Variants in HLA-DQB2 observed in about 807,000 individuals in gnomAD.
The protein encoded by HLA-DQB2 is HLA class II histocompatibility antigen, DQ beta 2 chain.
In HLA-DQB2, 24 loss-of-function variants were observed where a neutral mutation model predicts 29.2. That is an observed-to-expected ratio of 0.82 (90% CI 0.60 to 1.16). The LOEUF is 1.16. Ranked by LOEUF, HLA-DQB2 falls within the 50% of genes most tolerant of loss-of-function variation. The pLI is 0.00. For missense variants in HLA-DQB2, 273 were observed against 343.6 expected (o/e 0.79, Z 1.62); for synonymous variants, 104 against 133.1 (o/e 0.78, Z 1.51).
chr6:32,761,647 C>T lies in HLA-DQB2; in HGVS notation c.364+13G>A, dbSNP rs1764827985. On this transcript the variant is annotated intron_variant, in intron 2 of 5. Coordinates refer to ENST00000437316, the MANE Select transcript of HLA-DQB2 (RefSeq NM_001300790.2). ...GCCAAGGGTGAGCCCCGCGGAAGGACGACGACGCTCACCTTGCCGCTGCAA... is the reference window on the plus strand; with the variant it reads ...GCCAAGGGTGAGCCCCGCGGAAGGATGACGACGCTCACCTTGCCGCTGCAA... The T allele has an allele frequency of 6.5e-7, 1 of 1,541,028 alleles. No homozygotes were observed. Among genetic ancestry groups the T allele is most frequent in the Non-Finnish European group, 8.7e-7 (1 of 1,144,412 alleles).
At chr6:32,756,593 G>A (rs1444253137) in intron 5 of HLA-DQB2, 127 bp from the exon 6 acceptor site, 11 of 1,466,426 alleles carry the variant, frequency 7.5e-6, no homozygotes, top group East Asian at 5.1e-5. Context: ...TCATCATCAC[G>A]TTCCCCAATA....
In HLA-DQB2 at chr6:32,761,657, C is replaced by G. The variant is rs929368348; in HGVS notation, c.364+3G>C. 1.0e-5 allele frequency: 16 copies of G among 1,546,052 alleles called. No homozygotes were observed. In the Admixed American group the frequency reaches 2.4e-4, roughly 23 times the overall value. ...AGCCCCGCGGAAGGACGACGACGCTCACCTTGCCGCTGCAAGGTCGTGCGC... is the reference window on the plus strand; with the variant it reads ...AGCCCCGCGGAAGGACGACGACGCTGACCTTGCCGCTGCAAGGTCGTGCGC... On this transcript the variant is annotated splice_donor_region_variant and intron_variant, in intron 2 of 5. Coordinates refer to ENST00000437316, the MANE Select transcript of HLA-DQB2 (RefSeq NM_001300790.2).
At position 32,756,420 on chromosome 6, in the gene HLA-DQB2, T is replaced by A; in HGVS notation, c.*33A>T. On this transcript the variant is annotated 3_prime_UTR_variant, in exon 6 of 6. Transcript: ENST00000437316. ...GGGGCAGGTGGGCATTACAGAAGAG[T>A]GATGACCAATCCCAGACAAAAGTCC... is the stretch of plus-strand genomic sequence containing the variant. 3 of 1,297,564 alleles carry A rather than the reference T, an allele frequency of 2.3e-6. No homozygotes were observed. Among genetic ancestry groups the A allele is most frequent in the East Asian group, 2.4e-5 (1 of 42,032 alleles). 80.4% of individuals were successfully genotyped at this position (1,297,564 alleles called of 1,614,324 possible). A position where few individuals can be genotyped will look rare whatever the true frequency, so the allele number is the denominator to read the frequency against.
At chr6:32,756,728 G>T in intron 5 of HLA-DQB2, 4 of 1,309,270 alleles carry the variant, frequency 3.1e-6, no homozygotes, top group Non-Finnish European at 2.9e-6. Context: ...TTAGTAAATT[G>T]GGTGACACTT....
At chr6:32,763,243 T>A in intron 1 of HLA-DQB2, 131 bp downstream of exon 1, 1 of 622,398 alleles carries the variant, frequency 1.6e-6, no homozygotes. Flanking sequence ...ATAGCTCTAT[T>A]TCCCAAAAAG....
Position 32,763,391 on chromosome 6 carries a change from T to G in HLA-DQB2, c.80A>C (p.Glu27Ala). ...GCACTTACTGGGAAAGTCTCTGGCC[T>G]CAGCCACTGGGGTGCTCAGCATCAC... ...MLVMLSTPVA[E>A]ARDFPKDFLV... The change falls in exon 1 of 6, where the codon GAG (glutamate) becomes GCG (alanine). Residue 27 changes from glutamate to alanine, a missense_variant. Coordinates refer to ENST00000437316, the MANE Select transcript of HLA-DQB2 (RefSeq NM_001300790.2). 6.4e-7 allele frequency: 1 copy of G among 1,561,352 alleles called. No homozygotes were observed. Among genetic ancestry groups the G allele is most frequent in the Non-Finnish European group, 8.7e-7 (1 of 1,152,024 alleles).
intron 1 of HLA-DQB2, 147 bp from the exon 2 acceptor site, chr6:32,762,073 G>A: frequency 3.6e-6 from 4 of 1,124,542 alleles, no homozygotes; most frequent in Non-Finnish European, 5.0e-6. Flanking sequence ...CTGGGCCCGT[G>A]CCTCGTGCTC....
chr6:32,757,975 C>T, intron 3 of HLA-DQB2, 92 bp from the exon 4 acceptor site: 1 of 1,101,250 alleles, frequency 9.1e-7, no homozygotes, highest in Non-Finnish European at 1.3e-6. Context: ...ACTAGTTCTC[C>T]AGTCTGACCA....
At chr6:32,761,506 G>A (rs1320181155) in intron 2 of HLA-DQB2, among the ~76,000 whole-genome samples, 154 bp downstream of exon 2, 19 of 151,820 alleles carry the variant, frequency 1.3e-4, no homozygotes, top group Non-Finnish European at 2.9e-5. Flanking sequence ...CCGCCCCTCC[G>A]ATACTACCCC....
At chr6:32,762,403 C>T (rs10456071) in intron 1 of HLA-DQB2, among the ~76,000 whole-genome samples, 1 of 147,040 alleles carries the variant, frequency 6.8e-6, no homozygotes, top group Non-Finnish European at 1.5e-5. Context: ...TAAGTATTCT[C>T]TTGGTCCCTG....
intron 3 of HLA-DQB2, 140 bp downstream of exon 3, chr6:32,758,710 G>A (rs965426373): frequency 2.1e-6 from 2 of 941,192 alleles, no homozygotes; most frequent in Non-Finnish European, 3.1e-6. Flanking sequence ...GCTTGCCATG[G>A]GGCAACAGGT....
In HLA-DQB2 at chr6:32,757,207, A is replaced by G; in HGVS notation, c.781+74T>C. On this transcript the variant is annotated intron_variant, in intron 5 of 5. Transcript: ENST00000437316. The stretch of plus-strand genomic sequence containing the variant: ...GCTAATTTTTGTATTTTTAGTAGAG[A>G]TGCGGTTTCACCATGGCTCTTCCCT... 9 of 1,547,286 alleles carry G rather than the reference A, an allele frequency of 5.8e-6. No individual in the cohort carries two copies. In the Middle Eastern group the frequency reaches 5.5e-4, roughly 95 times the overall value.
chr6:32,757,075 A>G, intron 5 of HLA-DQB2: 1 of 1,419,646 alleles, frequency 7.0e-7, no homozygotes, highest in Non-Finnish European at 9.2e-7. Context: ...ACTGGAGTGC[A>G]GTGGCGCCAT....
intron 3 of HLA-DQB2, among the ~76,000 whole-genome samples, chr6:32,758,348 G>A (rs1406249519): frequency 6.6e-6 from 1 of 152,256 alleles, no homozygotes; most frequent in East Asian, 1.9e-4. Flanking sequence ...AAACTGCGTA[G>A]CACCAACCCC....
intron 2 of HLA-DQB2, among the ~76,000 whole-genome samples, chr6:32,759,392 G>A (rs1764578773): frequency 6.6e-6 from 1 of 151,628 alleles, no homozygotes; most frequent in Admixed American, 6.6e-5. Flanking sequence ...TCAAAAGTTT[G>A]TAATATTTGA....
intron 5 of HLA-DQB2, 111 bp downstream of exon 5, chr6:32,757,170 C>T: frequency 6.6e-7 from 1 of 1,512,068 alleles, no homozygotes; most frequent in Non-Finnish European, 9.0e-7. Context: ...CAGATGCACA[C>T]CACCACGTCC....
chr6:32,757,998 G>A (rs1320425023), intron 3 of HLA-DQB2, 115 bp from the exon 4 acceptor site: 3 of 951,722 alleles, frequency 3.2e-6, no homozygotes, highest in African/African-American at 1.7e-5. Flanking sequence ...CTAGGGAAGA[G>A]AAAGACCAGC....
intron 5 of HLA-DQB2, 156 bp downstream of exon 5, chr6:32,757,125 T>G (rs1764325627): frequency 1.4e-6 from 2 of 1,453,206 alleles, no homozygotes; most frequent in South Asian, 1.3e-5. Flanking sequence ...GTTCAAGTGA[T>G]TCTCTTGCCT....
intron 4 of HLA-DQB2, 138 bp from the exon 5 acceptor site, chr6:32,757,442 A>G: frequency 5.6e-6 from 4 of 714,258 alleles, no homozygotes; most frequent in Non-Finnish European, 9.5e-6. Context: ...TAAGCACCCT[A>G]AGTTAAAATC....
Sources: allele counts gnomAD v4.1 joint callset (sites outside exome capture counted in the v4.1 genomes callset), GRCh38; gene constraint gnomAD v4.1.1; transcripts MANE v1.5; gene names NCBI Gene and HGNC (gene_info 2026-07-23, HGNC 2026-07-21).